SPAG16: variants seen among roughly 807,000 people sequenced by gnomAD.
SPAG16 encodes sperm-associated antigen 16 protein.
Under a neutral mutation model 80.4 loss-of-function variants are expected in SPAG16, and 86 were observed. The observed-to-expected ratio is 1.07, with a 90% CI of 0.90 to 1.28. The LOEUF (loss-of-function observed/expected upper bound fraction) is 1.28, where lower values mean the gene tolerates loss of function less well. SPAG16 is among the 50% of genes most tolerant of loss of function. The pLI, the probability that SPAG16 is intolerant of heterozygous loss-of-function variation, is 0.00. For missense variants in SPAG16, 870 were observed against 765.3 expected (o/e 1.14, Z -1.61); for synonymous variants, 294 against 265.9 (o/e 1.11, Z -1.03).
At chr2:213,721,795 A>C (rs550905660) in intron 10 of SPAG16, among the ~76,000 whole-genome samples, 2 of 152,344 alleles carry the variant, frequency 1.3e-5, no homozygotes, top group South Asian at 4.1e-4. Flanking sequence ...TCAGGGTATA[A>C]TGCATTCATT....
chr2:214,378,149 C>A (rs1035309213), intron 15 of SPAG16, among the ~76,000 whole-genome samples: 1 of 152,162 alleles, frequency 6.6e-6, no homozygotes, highest in Non-Finnish European at 1.5e-5. Context: ...CCAGATGGAA[C>A]ACAGCCCTAC....
intron 14 of SPAG16, among the ~76,000 whole-genome samples, chr2:214,133,129 T>TTAA (rs1553725436): frequency 1.8e-4 from 25 of 141,430 alleles, no homozygotes; most frequent in African/African-American, 5.0e-4. Context: ...TAAATAATAA[T>TTAA]AAAAAAAAAA....
chr2:214,105,141 A>G (rs1050927287), intron 13 of SPAG16, among the ~76,000 whole-genome samples: 4 of 152,148 alleles, frequency 2.6e-5, no homozygotes, highest in Admixed American at 1.3e-4. Context: ...TGTAGTTAGT[A>G]GAGAGCCTGG....
At chr2:214,370,468 T>C (rs1332976276) in intron 15 of SPAG16, among the ~76,000 whole-genome samples, 2 of 152,154 alleles carry the variant, frequency 1.3e-5, no homozygotes, top group African/African-American at 2.4e-5. Flanking sequence ...ATTATATAAA[T>C]TTATGGTGTA....
chr2:213,527,375 G>A (rs554053562), intron 10 of SPAG16, among the ~76,000 whole-genome samples: 1 of 152,254 alleles, frequency 6.6e-6, no homozygotes, highest in East Asian at 1.9e-4. Flanking sequence ...CTAAAATGTT[G>A]TTCTCTCTCT....
At chr2:213,527,783 A>G (rs1042118024) in intron 10 of SPAG16, among the ~76,000 whole-genome samples, 1 of 152,230 alleles carries the variant, frequency 6.6e-6, no homozygotes, top group Non-Finnish European at 1.5e-5. Context: ...TACATGAAAT[A>G]TACAGAAAAA....
chr2:213,704,475 C>G (rs892140743), intron 10 of SPAG16, among the ~76,000 whole-genome samples: 2 of 152,180 alleles, frequency 1.3e-5, no homozygotes, highest in Admixed American at 1.3e-4. Context: ...CACAATTACT[C>G]TCTGCTACTC....
chr2:213,874,398 T>G (rs981304079), intron 11 of SPAG16, among the ~76,000 whole-genome samples: 8 of 152,138 alleles, frequency 5.3e-5, no homozygotes, highest in Admixed American at 4.6e-4. Context: ...TCTATAAATT[T>G]TTCTCTATTT....
intron 11 of SPAG16, among the ~76,000 whole-genome samples, chr2:213,897,889 T>C (rs972613859): frequency 7.2e-5 from 11 of 152,156 alleles, no homozygotes; most frequent in African/African-American, 2.7e-4. Flanking sequence ...GCAATCATCC[T>C]CCTATAAAAA....
intron 10 of SPAG16, among the ~76,000 whole-genome samples, chr2:213,721,446 C>T (rs988964776): frequency 3.3e-5 from 5 of 152,160 alleles, no homozygotes; most frequent in Admixed American, 3.3e-4. Flanking sequence ...CCAAAAGGAA[C>T]ACTTAAGTGC....
intron 9 of SPAG16, among the ~76,000 whole-genome samples, chr2:213,406,820 C>T (rs926323682): frequency 4.0e-5 from 6 of 151,854 alleles, no homozygotes; most frequent in East Asian, 1.9e-4. Flanking sequence ...TCCTCCAGGA[C>T]GGTCTCTCCT....
At chr2:213,601,910 G>T (rs1397436975) in intron 10 of SPAG16, among the ~76,000 whole-genome samples, 2 of 152,178 alleles carry the variant, frequency 1.3e-5, no homozygotes. Context: ...GGGTCAGGGT[G>T]GGGGATGGTT....
intron 7 of SPAG16, among the ~76,000 whole-genome samples, chr2:213,354,034 C>T (rs974546271): frequency 6.6e-6 from 1 of 152,142 alleles, no homozygotes; most frequent in African/African-American, 2.4e-5. Flanking sequence ...ATCCCTGTCC[C>T]AGCCCCACAC....
chr2:213,481,804 T>A (rs1361224394), intron 9 of SPAG16, among the ~76,000 whole-genome samples: 1 of 152,222 alleles, frequency 6.6e-6, no homozygotes, highest in Non-Finnish European at 1.5e-5. Context: ...ATGAATTGGA[T>A]CATTATTCCC....
intron 14 of SPAG16, among the ~76,000 whole-genome samples, chr2:214,143,420 C>A (rs530423026): frequency 4.9e-4 from 74 of 151,742 alleles, no homozygotes; most frequent in African/African-American, 1.8e-3. Flanking sequence ...TTATTTAATT[C>A]TTCTAGAATA....
chr2:213,940,579 G>A (rs1331007358), intron 12 of SPAG16, among the ~76,000 whole-genome samples: 8 of 152,102 alleles, frequency 5.3e-5, no homozygotes, highest in Non-Finnish European at 1.5e-5. Context: ...ACAGGTATGA[G>A]CCACCTGCTT....
chr2:214,142,309 TCA>T lies in SPAG16; in HGVS notation c.1594-6827_1594-6826del, dbSNP rs2055403778. On this transcript the variant is annotated intron_variant, in intron 14 of 15. Transcript: ENST00000331683. ...AGCTCTTTATTCAAATCTTTGAGAC[TCA>T]CACTTTCAAATCTTTGAGACTCACA... 2.0e-5 allele frequency among the ~76,000 whole-genome samples: 3 copies of T among 152,308 alleles called. No individual in the cohort carries two copies. In the South Asian group the frequency reaches 6.2e-4, roughly 32 times the overall value.
chr2:213,327,510 T>C (rs746835033), intron 5 of SPAG16, among the ~76,000 whole-genome samples: 3 of 152,244 alleles, frequency 2.0e-5, no homozygotes, highest in Non-Finnish European at 4.4e-5. Context: ...ATTTAAAAAG[T>C]GAATTGATGC....
At chr2:213,547,241 A>C (rs564219862) in intron 10 of SPAG16, among the ~76,000 whole-genome samples, 2 of 152,262 alleles carry the variant, frequency 1.3e-5, no homozygotes, top group South Asian at 2.1e-4. Flanking sequence ...GTCTTGAAAT[A>C]ATATAATAGA....
Sources: gnomAD v4.1 joint callset for allele counts (sites outside exome capture counted in the v4.1 genomes callset) on GRCh38, gnomAD v4.1.1 for gene constraint, MANE v1.5 for transcripts, NCBI Gene and HGNC (gene_info 2026-07-23, HGNC 2026-07-21) for gene names.